The following WASF3 variants were observed in gnomAD, a reference collection of about 807,000 sequenced individuals.
The protein encoded by WASF3 is WASP family member 3, also known as actin-binding protein WASF3.
WASF3 carries 11 observed loss-of-function variants against 46.6 expected under a neutral mutation model. That is an observed-to-expected ratio of 0.24 (90% CI 0.15 to 0.39). WASF3 has a LOEUF of 0.39. Ranked by LOEUF, WASF3 falls within the 10% of genes least tolerant of loss-of-function variation. WASF3 has a pLI of 1.00. For synonymous variants in WASF3, 242 were observed against 259.7 expected, an observed-to-expected ratio of 0.93 and a Z score of 0.65; for missense variants, 576 against 669.8, an observed-to-expected ratio of 0.86 and a Z score of 1.55.
intron 3 of WASF3, among the ~76,000 whole-genome samples, chr13:26,651,149 C>G (rs779247082): frequency 9.2e-5 from 14 of 152,160 alleles, no homozygotes; most frequent in Non-Finnish European, 1.6e-4. Flanking sequence ...TGATGAAACC[C>G]CAACTCTACT....
rs114922453 is a variant in WASF3 at position 26,607,749 on chromosome 13, C to T, written c.-108-5212C>T. 3.7e-3 allele frequency among the ~76,000 whole-genome samples: 559 copies of T among 152,186 alleles called. 6 individuals are homozygous for T. Among genetic ancestry groups the T allele is most frequent in the African/African-American group, 0.013 (526 of 41,524 alleles). On this transcript the variant is annotated intron_variant, in intron 1 of 9. Transcript: ENST00000335327. Reference sequence around the variant, plus strand: ...CTCCCGGGCTCAGGTGATCCTCCTGCTTCAGCCTTCTGAGTAGGTGGAACC... The same window carrying T: ...CTCCCGGGCTCAGGTGATCCTCCTGTTTCAGCCTTCTGAGTAGGTGGAACC...
intron 1 of WASF3, among the ~76,000 whole-genome samples, chr13:26,561,645 A>T (rs915102797): frequency 6.6e-6 from 1 of 152,198 alleles, no homozygotes; most frequent in Non-Finnish European, 1.5e-5. Flanking sequence ...GCTACAGCAA[A>T]CAGGGAGACT....
rs116167743 is a variant in WASF3, at chr13:26,560,544, T to C, written c.-109+2725T>C. 5.7e-3 allele frequency among the ~76,000 whole-genome samples: 875 copies of C among 152,270 alleles called. 11 individuals carry two copies. The highest frequency in any genetic ancestry group is 0.02 in the African/African-American group (835 of 41,540). On this transcript the variant is annotated intron_variant, in intron 1 of 9. Coordinates refer to ENST00000335327, the MANE Select transcript of WASF3 (RefSeq NM_006646.6). The stretch of plus-strand genomic sequence containing the variant: ...TCATGAATGCCTACTAGGTACCAGG[T>C]ACTATTTTAATCACTAGGGTTGCAA...
the WASF3 span, among the ~76,000 whole-genome samples, chr13:26,549,309 G>A: frequency 5.9e-5 from 9 of 152,066 alleles, no homozygotes; most frequent in African/African-American, 2.2e-4. Context: ...CTTGACTCAT[G>A]AGTATTGCTT....
At chr13:26,624,190 TA>T (rs1165406515) in intron 2 of WASF3, among the ~76,000 whole-genome samples, 1 of 152,190 alleles carries the variant, frequency 6.6e-6, no homozygotes, top group Admixed American at 6.5e-5. Context: ...TATGGGAACT[TA>T]AAAATAACTG....
At chr13:26,648,874 G>C (rs1003180363) in intron 3 of WASF3, among the ~76,000 whole-genome samples, 3 of 152,014 alleles carry the variant, frequency 2.0e-5, no homozygotes, top group Admixed American at 2.0e-4. Context: ...AGGATTATAG[G>C]GGATTCACAC....
chr13:26,609,654 A>G (rs542490736), intron 1 of WASF3: 1 of 152,230 alleles, frequency 6.6e-6, no homozygotes, highest in South Asian at 2.1e-4. Context: ...GCTTAGAGAC[A>G]GCAGGATTAT....
intron 1 of WASF3, among the ~76,000 whole-genome samples, chr13:26,571,635 G>A (rs1470895717): frequency 6.6e-6 from 1 of 152,096 alleles, no homozygotes; most frequent in East Asian, 1.9e-4. Flanking sequence ...TAATCATGAG[G>A]CTTTGTTTTA....
intron 5 of WASF3, among the ~76,000 whole-genome samples, chr13:26,671,376 G>A (rs1036817160): frequency 6.6e-6 from 1 of 152,118 alleles, no homozygotes; most frequent in African/African-American, 2.4e-5. Context: ...TAAACATTTT[G>A]CTTCTTTCCT....
At chr13:26,549,227 G>A in the WASF3 span, among the ~76,000 whole-genome samples, 2 of 151,888 alleles carry the variant, frequency 1.3e-5, no homozygotes, top group African/African-American at 2.4e-5. Flanking sequence ...TGATCCACCC[G>A]CCTCAGCCTC....
chr13:26,624,890 C>T (rs1881418868), intron 2 of WASF3, among the ~76,000 whole-genome samples: 1 of 152,008 alleles, frequency 6.6e-6, no homozygotes, highest in South Asian at 2.1e-4. Flanking sequence ...ATTCTATACC[C>T]AGCAAAAATA....
the WASF3 span, among the ~76,000 whole-genome samples, chr13:26,546,812 T>G: frequency 6.6e-6 from 1 of 152,220 alleles, no homozygotes; most frequent in Non-Finnish European, 1.5e-5. Context: ...GGCTCCAGCG[T>G]GTGACCTTAA....
At chr13:26,541,408 A>T in the WASF3 span, among the ~76,000 whole-genome samples, 2 of 152,220 alleles carry the variant, frequency 1.3e-5, no homozygotes, top group Non-Finnish European at 2.9e-5. Context: ...TGTTTTTCTG[A>T]ACTGAAAATG....
At chr13:26,663,713 G>A (rs184275534) in intron 3 of WASF3, among the ~76,000 whole-genome samples, 125 of 152,286 alleles carry the variant, frequency 8.2e-4, no homozygotes, top group African/African-American at 2.8e-3. Context: ...GTGTCTAGGT[G>A]TAACCATTTA....
chr13:26,619,115 A>G (rs375034246), intron 2 of WASF3: 1 of 152,310 alleles, frequency 6.6e-6, no homozygotes, highest in African/African-American at 2.4e-5. Flanking sequence ...TTCTATTTCT[A>G]TAATCTTCCA....
chr13:26,596,354 A>G (rs544974630), intron 1 of WASF3, among the ~76,000 whole-genome samples: 41 of 150,090 alleles, frequency 2.7e-4, no homozygotes, highest in Non-Finnish European at 5.6e-4. Flanking sequence ...AAAAAAAGCT[A>G]GTTTTGAGAG....
At chr13:26,623,914 T>C (rs1881387190) in intron 2 of WASF3, among the ~76,000 whole-genome samples, 1 of 152,226 alleles carries the variant, frequency 6.6e-6, no homozygotes, top group African/African-American at 2.4e-5. Flanking sequence ...ATTTTGATGC[T>C]TGGTGTATCA....
At chr13:26,542,521 G>A in the WASF3 span, among the ~76,000 whole-genome samples, 11 of 152,204 alleles carry the variant, frequency 7.2e-5, 1 homozygote, top group South Asian at 1.2e-3. Context: ...ACTATAAATC[G>A]TTTGTTATTC....
At chr13:26,630,040 G>A (rs571407416) in intron 2 of WASF3, among the ~76,000 whole-genome samples, 17 of 151,662 alleles carry the variant, frequency 1.1e-4, no homozygotes, top group African/African-American at 3.9e-4. Flanking sequence ...CATTTATTTT[G>A]TAAGGAACAT....
Sources: gnomAD v4.1 joint callset for allele counts (sites outside exome capture counted in the v4.1 genomes callset) on GRCh38, gnomAD v4.1.1 for gene constraint, MANE v1.5 for transcripts, NCBI Gene and HGNC (gene_info 2026-07-23, HGNC 2026-07-21) for gene names.